Variants in RBFOX1 observed in about 807,000 individuals in gnomAD.
RBFOX1 encodes the protein RNA binding fox-1 homolog 1.
Under a neutral mutation model 57.7 loss-of-function variants are expected in RBFOX1, and 8 were observed. That is an observed-to-expected ratio of 0.14 (90% confidence interval 0.08 to 0.25). The LOEUF (loss-of-function observed/expected upper bound fraction) is 0.25. RBFOX1 is among the 10% of genes least tolerant of loss of function. The pLI is 1.00. For missense variants in RBFOX1, 611 were observed against 548.5 expected (o/e 1.11, Z -1.14); for synonymous variants, 326 against 222.4 (o/e 1.47, Z -4.15).
chr16:7,217,772 C>T (rs1202778713), intron 4 of RBFOX1, among the ~76,000 whole-genome samples: 2 of 152,162 alleles, frequency 1.3e-5, no homozygotes, highest in Admixed American at 6.5e-5. Context: ...TCAGAAAGAA[C>T]ATTTTTATAG....
intron 1 of RBFOX1, among the ~76,000 whole-genome samples, chr16:5,277,133 G>A (rs1596369997): frequency 6.6e-6 from 1 of 152,094 alleles, no homozygotes; most frequent in East Asian, 1.9e-4. Flanking sequence ...GCCTTAAAAA[G>A]GAATGAAATA....
chr16:6,754,189 G>A (rs2075410364), intron 3 of RBFOX1, among the ~76,000 whole-genome samples: 1 of 152,042 alleles, frequency 6.6e-6, no homozygotes, highest in Non-Finnish European at 1.5e-5. Context: ...CAACACTCAG[G>A]CAGCTACAGC....
At chr16:6,017,455 G>C (rs1019435309), upstream of RBFOX1, among the ~76,000 whole-genome samples, 1 of 152,100 alleles carries the variant, frequency 6.6e-6, no homozygotes, top group Non-Finnish European at 1.5e-5. Flanking sequence ...AAATGATTAT[G>C]ATGTTACCAA....
At chr16:7,120,577 C>T (rs1053848922) in intron 4 of RBFOX1, among the ~76,000 whole-genome samples, 1 of 151,106 alleles carries the variant, frequency 6.6e-6, no homozygotes, top group Non-Finnish European at 1.5e-5. Flanking sequence ...AAAACTTATT[C>T]AAAACAAACA....
At position 5,424,988 on chromosome 16, in the gene RBFOX1, CTTTTCT is replaced by C. The variant is rs1567490744; in HGVS notation, c.220-42224_220-42219del. 1.1e-3 allele frequency among the ~76,000 whole-genome samples: 81 copies of C among 75,308 alleles called. 3 individuals are homozygous for C. The highest frequency in any genetic ancestry group is 4.3e-3 in the African/African-American group (70 of 16,218). 49.4% of individuals were successfully genotyped at this position (75,308 alleles called of 152,430 possible). On this transcript the variant is annotated intron_variant, in intron 1 of 2. Transcript: ENST00000585867. The stretch of plus-strand genomic sequence containing the variant: ...TCTCTTTCTTTCTTTCTTTTCTTTT[CTTTTCT>C]TTTCTTTTCTTTTCTTTTCTTTCTT...
chr16:6,960,257 G>T (rs1342121222), intron 3 of RBFOX1, among the ~76,000 whole-genome samples: 3 of 152,176 alleles, frequency 2.0e-5, no homozygotes, highest in African/African-American at 7.2e-5. Flanking sequence ...TACTGAGGCT[G>T]CAGAGGAAGG....
intron 11 of RBFOX1, among the ~76,000 whole-genome samples, chr16:7,650,314 T>C (rs1373750641): frequency 2.0e-5 from 1 of 49,906 alleles, no homozygotes; most frequent in African/African-American, 6.9e-5. Context: ...TGGAACTCTC[T>C]TTTTTTTTTT....
intron 2 of RBFOX1, among the ~76,000 whole-genome samples, chr16:5,563,169 G>C (rs4786042): frequency 0.31 from 47,290 of 152,050 alleles, 7,611 homozygotes; most frequent in South Asian, 0.41. Flanking sequence ...GGCTGGTCTT[G>C]AACTCCTGAC....
intron 14 of RBFOX1, among the ~76,000 whole-genome samples, chr16:7,707,253 C>T (rs915668679): frequency 1.3e-5 from 2 of 152,108 alleles, no homozygotes; most frequent in African/African-American, 4.8e-5. Flanking sequence ...TTTATTCCAC[C>T]TAGGGTCTAA....
chr16:6,641,048 A>C (rs113101048), intron 2 of RBFOX1, among the ~76,000 whole-genome samples: 2 of 152,178 alleles, frequency 1.3e-5, no homozygotes, highest in East Asian at 3.9e-4. Flanking sequence ...ACCGTTCTGC[A>C]TCCCACTTTC....
rs80188945 is a variant in RBFOX1, at chr16:7,327,623, G to A, written c.28-190524G>A. Among the ~76,000 whole-genome samples, 1,151 of 152,248 alleles carry A rather than the reference G, an allele frequency of 7.6e-3. 15 individuals carry two copies. Among genetic ancestry groups the A allele is most frequent in the African/African-American group, 0.026 (1,080 of 41,544 alleles). ...GCAACTGACAGCTTCTTTTTAGATAGCTTTTTAGAAAGCAAAGAATGGTTG... is the reference window on the plus strand; with the variant it reads ...GCAACTGACAGCTTCTTTTTAGATAACTTTTTAGAAAGCAAAGAATGGTTG... On this transcript the variant is annotated intron_variant, in intron 4 of 15. Coordinates refer to ENST00000550418, the MANE Select transcript of RBFOX1 (RefSeq NM_018723.4).
chr16:5,569,344 C>T (rs2046187653), intron 2 of RBFOX1, among the ~76,000 whole-genome samples: 1 of 149,972 alleles, frequency 6.7e-6, no homozygotes, highest in Non-Finnish European at 1.5e-5. Flanking sequence ...AGGCAAATCA[C>T]TTCCACTGGC....
intron 2 of RBFOX1, among the ~76,000 whole-genome samples, chr16:6,503,713 AT>A (rs1217599503): frequency 6.6e-6 from 1 of 152,048 alleles, no homozygotes; most frequent in African/African-American, 2.4e-5. Flanking sequence ...CATATGTTGC[AT>A]TTTCTGATGT....
intron 1 of RBFOX1, among the ~76,000 whole-genome samples, chr16:6,230,801 G>A (rs1013948853): frequency 4.6e-5 from 7 of 152,170 alleles, no homozygotes; most frequent in South Asian, 2.1e-4. Context: ...ATATGGATAC[G>A]CATAGTACAA....
Position 6,619,130 on chromosome 16 carries a change from C to T in RBFOX1, c.-63-35473C>T, listed in dbSNP as rs541722948. 3.3e-5 allele frequency among the ~76,000 whole-genome samples: 5 copies of T among 151,882 alleles called. No individual in the cohort carries two copies. The East Asian group carries it at 9.7e-4, about 30-fold the overall frequency. On this transcript the variant is annotated intron_variant, in intron 2 of 15. Transcript: ENST00000550418. ...CCAGACACTTAACACACACATGGTA[C>T]TTCGCTACAGACCGCTGACATGTTC...
At position 5,361,693 on chromosome 16, in the gene RBFOX1, A is replaced by G. The variant is rs547060959; in HGVS notation, c.220-105523A>G. Among the ~76,000 whole-genome samples the G allele has an allele frequency of 3.7e-4, 56 of 152,312 alleles. 1 individual carries two copies. Among genetic ancestry groups the G allele is most frequent in the African/African-American group, 1.3e-3 (52 of 41,576 alleles). ...AAGGTAGATGGTTGCCGAGCAGTCA[A>G]CTGAGAAAAACAATTCCAGGTACCT... is the stretch of plus-strand genomic sequence containing the variant. On this transcript the variant is annotated intron_variant, in intron 1 of 2. Transcript: ENST00000585867.
chr16:7,423,429 G>T lies in RBFOX1; in HGVS notation c.28-94718G>T, dbSNP rs1381887366. ...GCTGTCATACTAAAAGATATTTGGG[G>T]TGCAAGAGTTACTTCTGCCAGCAGA... On this transcript the variant is annotated intron_variant, in intron 4 of 15. Coordinates refer to ENST00000550418, the MANE Select transcript of RBFOX1 (RefSeq NM_018723.4). 2.0e-5 allele frequency among the ~76,000 whole-genome samples: 3 copies of T among 152,116 alleles called. No homozygotes were observed. The South Asian group carries it at 6.2e-4, about 31-fold the overall frequency.
intron 4 of RBFOX1, among the ~76,000 whole-genome samples, chr16:7,060,418 C>T (rs1399842438): frequency 1.3e-5 from 2 of 152,160 alleles, no homozygotes; most frequent in South Asian, 2.1e-4. Flanking sequence ...TCAATAAATG[C>T]ATGCACGTTC....
intron 4 of RBFOX1, among the ~76,000 whole-genome samples, chr16:7,098,554 C>T (rs372787851): frequency 4.1e-4 from 62 of 152,194 alleles, no homozygotes; most frequent in African/African-American, 1.5e-3. Context: ...AACACACACA[C>T]ATCAGCACCC....
Sources: gnomAD v4.1 joint callset for allele counts (sites outside exome capture counted in the v4.1 genomes callset) on GRCh38, gnomAD v4.1.1 for gene constraint, MANE v1.5 for transcripts, NCBI Gene and HGNC (gene_info 2026-07-23, HGNC 2026-07-21) for gene names.